Variants in CLOCK observed in about 807,000 individuals in gnomAD.
CLOCK encodes circadian locomoter output cycles protein kaput.
CLOCK carries 43 observed loss-of-function variants against 118.4 expected under a neutral mutation model. The ratio of observed to expected loss-of-function variants is 0.36; its 90% CI spans 0.28 to 0.47. The LOEUF is 0.47. Ranked by LOEUF, CLOCK falls within the 20% of genes least tolerant of loss-of-function variation. The probability of loss-of-function intolerance (pLI) is 1.00; values close to 1 mark genes in which losing one functional copy is unlikely to be tolerated. For synonymous variants in CLOCK, 326 were observed against 339.2 expected, an observed-to-expected ratio of 0.96 and a Z score of 0.43; for missense variants, 846 against 999.9, an observed-to-expected ratio of 0.85 and a Z score of 2.08.
At chr4:55,472,718 G>T (rs1473784848) in intron 7 of CLOCK, among the ~76,000 whole-genome samples, 1 of 151,740 alleles carries the variant, frequency 6.6e-6, no homozygotes, top group Non-Finnish European at 1.5e-5. Flanking sequence ...TATAGAAAAT[G>T]GTCCCCTCCC....
rs774636052 is a variant in CLOCK at position 55,435,506 on chromosome 4, T to C, written c.2450A>G (p.His817Arg). ...PLQQSTFPQS[H>R]HQQHQSQQQQ... Reference sequence around the variant, plus strand: ...TTGCTGAGACTGATGTTGCTGGTGATGTGACTGAGGGAAGGTGCTCTGTTG... The same window carrying C: ...TTGCTGAGACTGATGTTGCTGGTGACGTGACTGAGGGAAGGTGCTCTGTTG... The change falls in exon 23 of 23, where the codon CAT becomes CGT. Residue 817 changes from histidine to arginine, a missense_variant. His to Arg is a conservative substitution (Grantham distance 29, BLOSUM62 0). Coordinates refer to ENST00000513440, the MANE Select transcript of CLOCK (RefSeq NM_004898.4). 1.9e-6 allele frequency: 3 copies of C among 1,613,954 alleles called. No individual in the cohort carries two copies. The highest frequency in any genetic ancestry group is 3.3e-5 in the Admixed American group (2 of 59,996).
intron 1 of CLOCK, among the ~76,000 whole-genome samples, chr4:55,521,909 G>C (rs1342395263): frequency 6.6e-6 from 1 of 152,166 alleles, no homozygotes; most frequent in Non-Finnish European, 1.5e-5. Context: ...AGAAGAAAAT[G>C]GAGAGAGCAG....
At chr4:55,525,768 C>T (rs1188900123) in intron 1 of CLOCK, among the ~76,000 whole-genome samples, 1 of 151,568 alleles carries the variant, frequency 6.6e-6, no homozygotes, top group Admixed American at 6.6e-5. Flanking sequence ...CCACACCTGG[C>T]CAAATAAAAA....
At chr4:55,545,159 C>T (rs1448369421) in intron 1 of CLOCK, among the ~76,000 whole-genome samples, 1 of 151,752 alleles carries the variant, frequency 6.6e-6, no homozygotes, top group East Asian at 1.9e-4. Context: ...TGGTGTGCTG[C>T]ACCCATTAAC....
chr4:55,494,786 AT>A (rs1244093671), intron 2 of CLOCK, among the ~76,000 whole-genome samples: 1 of 152,162 alleles, frequency 6.6e-6, no homozygotes, highest in Non-Finnish European at 1.5e-5. Flanking sequence ...AAGCCAAGGA[AT>A]TCAGGTAGCC....
intron 13 of CLOCK, among the ~76,000 whole-genome samples, chr4:55,455,499 T>C (rs1172588236): frequency 2.0e-5 from 3 of 152,202 alleles, no homozygotes; most frequent in Non-Finnish European, 4.4e-5. Flanking sequence ...GCACTTACTA[T>C]GAGCTTTCTA....
chr4:55,510,741 T>C (rs1729094271), intron 1 of CLOCK, among the ~76,000 whole-genome samples: 1 of 152,100 alleles, frequency 6.6e-6, no homozygotes, highest in Admixed American at 6.6e-5. Context: ...AAGAAAATTT[T>C]TTGTCCAAAG....
intron 2 of CLOCK, among the ~76,000 whole-genome samples, chr4:55,504,941 T>G (rs1728704089): frequency 6.6e-6 from 1 of 152,134 alleles, no homozygotes; most frequent in Non-Finnish European, 1.5e-5. Flanking sequence ...TCCCAGCACT[T>G]TGGGAAGCCA....
chr4:55,472,953 G>C (rs961519975), intron 7 of CLOCK, among the ~76,000 whole-genome samples: 1 of 152,008 alleles, frequency 6.6e-6, no homozygotes, highest in Non-Finnish European at 1.5e-5. Flanking sequence ...ACAACTGTTC[G>C]CCAGGCTTAC....
chr4:55,471,074 G>A (rs758875293), intron 7 of CLOCK, among the ~76,000 whole-genome samples: 2 of 151,924 alleles, frequency 1.3e-5, no homozygotes, highest in Non-Finnish European at 2.9e-5. Context: ...TTCATCACTA[G>A]GTATATTACA....
At chr4:55,512,138 T>C (rs1057331916) in intron 1 of CLOCK, among the ~76,000 whole-genome samples, 1 of 152,100 alleles carries the variant, frequency 6.6e-6, no homozygotes, top group Non-Finnish European at 1.5e-5. Flanking sequence ...TAAGACTATG[T>C]TTAGTTTCGT....
At chr4:55,502,936 A>C (rs1206507297) in intron 2 of CLOCK, among the ~76,000 whole-genome samples, 2 of 152,226 alleles carry the variant, frequency 1.3e-5, no homozygotes, top group Non-Finnish European at 2.9e-5. Context: ...TTACGAATTA[A>C]AACTACAATA....
chr4:55,467,932 T>C (rs901420295), intron 8 of CLOCK, among the ~76,000 whole-genome samples: 15 of 152,212 alleles, frequency 9.9e-5, no homozygotes, highest in African/African-American at 3.6e-4. Context: ...GCAAATTATG[T>C]ACTGCATGGC....
At chr4:55,441,381 T>C (rs1723356206) in intron 21 of CLOCK, among the ~76,000 whole-genome samples, 1 of 152,208 alleles carries the variant, frequency 6.6e-6, no homozygotes. Context: ...CACTACTGGG[T>C]ATCTACCCAA....
intron 3 of CLOCK, among the ~76,000 whole-genome samples, chr4:55,483,756 T>A (rs894959914): frequency 2.0e-5 from 3 of 152,172 alleles, no homozygotes; most frequent in African/African-American, 7.2e-5. Context: ...TACTAGACCA[T>A]AAAGTTTGAG....
intron 1 of CLOCK, among the ~76,000 whole-genome samples, chr4:55,511,109 C>A (rs1729119072): frequency 6.6e-6 from 1 of 152,204 alleles, no homozygotes. Flanking sequence ...AAAGAATCAA[C>A]TGATCATCAA....
intron 2 of CLOCK, among the ~76,000 whole-genome samples, chr4:55,506,310 G>A (rs947530153): frequency 6.6e-6 from 1 of 151,950 alleles, no homozygotes; most frequent in Non-Finnish European, 1.5e-5. Flanking sequence ...AGCCTCCTGG[G>A]TAGCTGGGAC....
intron 1 of CLOCK, among the ~76,000 whole-genome samples, chr4:55,528,439 G>T (rs183624932): frequency 3.8e-4 from 58 of 152,142 alleles, no homozygotes; most frequent in African/African-American, 1.2e-3. Flanking sequence ...TTATTTTAAA[G>T]AAACCTGGGG....
At chr4:55,499,736 A>G (rs139816900) in intron 2 of CLOCK, among the ~76,000 whole-genome samples, 1 of 152,326 alleles carries the variant, frequency 6.6e-6, no homozygotes, top group Non-Finnish European at 1.5e-5. Context: ...TCTCAGGGGC[A>G]ACTCTGGGAT....
Sources: gnomAD v4.1 joint callset for allele counts (sites outside exome capture counted in the v4.1 genomes callset) on GRCh38, gnomAD v4.1.1 for gene constraint, MANE v1.5 for transcripts, NCBI Gene and HGNC (gene_info 2026-07-23, HGNC 2026-07-21) for gene names.